Variants in PUDP observed in about 807,000 individuals in gnomAD.
PUDP encodes pseudouridine-5'-phosphatase.
A neutral mutation model predicts 9.4 loss-of-function variants in PUDP; 8 were observed. That is an observed-to-expected ratio of 0.85 (90% CI 0.50 to 1.53). The LOEUF (loss-of-function observed/expected upper bound fraction) is 1.53. PUDP is among the 40% of genes most tolerant of loss of function. PUDP has a pLI of 0.00. For missense variants in PUDP, 188 were observed against 189.7 expected, an observed-to-expected ratio of 0.99 and a Z score of 0.05; for synonymous variants, 99 against 80.7, an observed-to-expected ratio of 1.23 and a Z score of -1.22.
At chrX:6,907,964 CA>C (rs1452787127) in intron 3 of PUDP, among the ~76,000 whole-genome samples, 2 of 112,705 alleles carry the variant, frequency 1.8e-5, no homozygotes, top group Admixed American at 9.4e-5. Context: ...GTTATCTCCC[CA>C]GAGACTGCTT....
chrX:6,982,904 A>G (rs1379531235), intron 1 of PUDP, among the ~76,000 whole-genome samples: 1 of 112,476 alleles, frequency 8.9e-6, no homozygotes, highest in Non-Finnish European at 1.9e-5. Flanking sequence ...AGTATTATTC[A>G]TAATAGCCAA....
chrX:6,914,231 G>C (rs1394918554), intron 3 of PUDP, among the ~76,000 whole-genome samples: 3 of 108,407 alleles, frequency 2.8e-5, no homozygotes, highest in Non-Finnish European at 5.7e-5. Context: ...AAAAATCACA[G>C]TTACATAGAC....
At chrX:7,010,249 A>G (rs1393018415) in intron 1 of PUDP, among the ~76,000 whole-genome samples, 1 of 111,771 alleles carries the variant, frequency 8.9e-6, no homozygotes, top group African/African-American at 3.3e-5. Flanking sequence ...GTCCTGGAAC[A>G]GTCATTCTAC....
At chrX:6,890,935 CAAAAAAAAAAAAAA>C (rs764486249) in intron 3 of PUDP, among the ~76,000 whole-genome samples, 172 of 33,144 alleles carry the variant, frequency 5.2e-3, no homozygotes, top group African/African-American at 0.02. Context: ...CTCATCTCTC[CAAAAAAAAAAAAAA>C]AAAAAAAAAA....
intron 2 of PUDP, among the ~76,000 whole-genome samples, chrX:7,100,116 T>A (rs1239930582): frequency 1.1e-5 from 1 of 88,470 alleles, no homozygotes; most frequent in African/African-American, 4.4e-5. Context: ...GACACACCCC[T>A]GCAGCATAAT....
chrX:6,771,722 C>T (rs917090354), intron 3 of PUDP, among the ~76,000 whole-genome samples: 1 of 112,539 alleles, frequency 8.9e-6, no homozygotes, highest in African/African-American at 3.2e-5. Context: ...ACTTAATACA[C>T]AGAATTACTC....
In PUDP at chrX:7,043,688, C is replaced by T. The variant is rs778507685; in HGVS notation, c.204+33532G>A. 1.8e-4 allele frequency among the ~76,000 whole-genome samples: 20 copies of T among 111,187 alleles called. No homozygotes were observed. In the East Asian group the frequency reaches 4.3e-3, roughly 24 times the overall value. ...ACAGGTCCAAGGCTGATTTTTGTCA[C>T]AGTGAAGTTCAAGTAGTAAGAATTC... On this transcript the variant is annotated intron_variant and NMD_transcript_variant, in intron 1 of 3. Transcript: ENST00000655425.
intron 3 of PUDP, among the ~76,000 whole-genome samples, chrX:6,888,761 C>T: frequency 1.8e-5 from 2 of 111,948 alleles, no homozygotes; most frequent in Middle Eastern, 9.2e-3. Flanking sequence ...ATTAATGACT[C>T]CAGAGAGACG....
intron 3 of PUDP, among the ~76,000 whole-genome samples, chrX:6,867,105 T>C (rs1927098804): frequency 9.0e-6 from 1 of 111,448 alleles, no homozygotes; most frequent in Non-Finnish European, 1.9e-5. Context: ...CTGCCTATAC[T>C]GAATGCTTCC....
chrX:6,964,841 G>A (rs1312436020), intron 3 of PUDP, among the ~76,000 whole-genome samples: 2 of 110,874 alleles, frequency 1.8e-5, no homozygotes, highest in Admixed American at 9.7e-5. Context: ...ATTCATTTAG[G>A]TATTCTCAAC....
intron 3 of PUDP, among the ~76,000 whole-genome samples, chrX:6,814,567 G>A (rs1440028978): frequency 9.0e-6 from 1 of 111,002 alleles, no homozygotes; most frequent in South Asian, 3.8e-4. Context: ...CTAAATTTCA[G>A]AGGAAACAAT....
intron 1 of PUDP, among the ~76,000 whole-genome samples, chrX:7,146,835 G>GTTT (rs72051800): frequency 1.2e-5 from 1 of 83,009 alleles, no homozygotes; most frequent in Non-Finnish European, 2.3e-5. Flanking sequence ...GAGCTGCAGG[G>GTTT]TTTTTTTTTT....
intron 3 of PUDP, among the ~76,000 whole-genome samples, chrX:6,877,130 T>A (rs1427720667): frequency 1.8e-5 from 2 of 109,981 alleles, no homozygotes; most frequent in Non-Finnish European, 3.8e-5. Flanking sequence ...CTAATTTTTT[T>A]AATTTTTTGA....
chrX:6,921,098 T>C (rs1320491882), intron 3 of PUDP, among the ~76,000 whole-genome samples: 2 of 111,060 alleles, frequency 1.8e-5, no homozygotes, highest in African/African-American at 6.6e-5. Flanking sequence ...GAATATACCA[T>C]TCATGGCCAG....
At chrX:6,854,555 T>C (rs1181612371) in intron 3 of PUDP, among the ~76,000 whole-genome samples, 1 of 112,264 alleles carries the variant, frequency 8.9e-6, no homozygotes, top group African/African-American at 3.2e-5. Flanking sequence ...CCCCAAAAAC[T>C]TAACTACTAA....
chrX:6,823,713 T>C lies in PUDP; in HGVS notation c.*248-117247A>G, dbSNP rs757797950. The stretch of plus-strand genomic sequence containing the variant: ...GGCCCCAAGGGCTGCTGCTTGCCCA[T>C]TTTTATGCTTATTTCCTGATGATAT... On this transcript the variant is annotated intron_variant and NMD_transcript_variant, in intron 3 of 3. Transcript: ENST00000655425. Among the ~76,000 whole-genome samples, 88 of 112,731 alleles carry C rather than the reference T, an allele frequency of 7.8e-4. 1 individual carries two copies. Among genetic ancestry groups the C allele is most frequent in the African/African-American group, 2.7e-3 (83 of 31,089 alleles).
At chrX:7,136,633 G>A (rs1932749346) in intron 1 of PUDP, among the ~76,000 whole-genome samples, 2 of 110,680 alleles carry the variant, frequency 1.8e-5, no homozygotes, top group Non-Finnish European at 3.8e-5. Context: ...TATAGACAGA[G>A]TATTATACTC....
At chrX:6,816,299 AG>A (rs979671636) in intron 3 of PUDP, among the ~76,000 whole-genome samples, 2 of 105,143 alleles carry the variant, frequency 1.9e-5, no homozygotes, top group Non-Finnish European at 3.9e-5. Context: ...CTATATGCAT[AG>A]TACATATATT....
intron 1 of PUDP, among the ~76,000 whole-genome samples, chrX:6,996,738 C>A (rs1407705850): frequency 9.6e-6 from 1 of 104,652 alleles, no homozygotes; most frequent in African/African-American, 3.5e-5. Flanking sequence ...GTGATCTCGG[C>A]TCACTGCAAC....
Sources: gnomAD v4.1 joint callset for allele counts (sites outside exome capture counted in the v4.1 genomes callset) on GRCh38, gnomAD v4.1.1 for gene constraint, MANE v1.5 for transcripts, NCBI Gene and HGNC (gene_info 2026-07-23, HGNC 2026-07-21) for gene names.